Variants in SPAG9 observed in about 807,000 individuals in gnomAD.
SPAG9 encodes C-Jun-amino-terminal kinase-interacting protein 4.
SPAG9 carries 35 observed loss-of-function variants against 166.5 expected under a neutral mutation model. That is an observed-to-expected ratio of 0.21 (90% CI 0.16 to 0.28). SPAG9 has a LOEUF of 0.28. SPAG9 is among the 10% of genes least tolerant of loss of function. The pLI, the probability that SPAG9 is intolerant of heterozygous loss-of-function variation, is 1.00. For missense variants in SPAG9, 1,235 were observed against 1,603.3 expected (o/e 0.77, Z 3.92); for synonymous variants, 534 against 565.5 (o/e 0.94, Z 0.79).
intron 20 of SPAG9, chr17:50,990,154 AG>A (rs771255642): frequency 1.1e-3 from 589 of 519,886 alleles, no homozygotes; most frequent in Non-Finnish European, 1.7e-3. Context: ...CAGCCTCCCG[AG>A]TAGCTGGGAC....
chr17:51,054,442 C>CTT (rs1425151006), intron 3 of SPAG9, among the ~76,000 whole-genome samples: 19 of 132,824 alleles, frequency 1.4e-4, no homozygotes, highest in African/African-American at 5.2e-4. Context: ...GTTTTTTTGG[C>CTT]TTTTTTTTTT....
intron 1 of SPAG9, among the ~76,000 whole-genome samples, chr17:51,087,934 A>G (rs1444560177): frequency 2.0e-5 from 3 of 151,948 alleles, no homozygotes; most frequent in Admixed American, 1.3e-4. Flanking sequence ...TAGTAGAGAC[A>G]AGGTCTCACC....
At chr17:51,031,216 T>C (rs982483030) in intron 6 of SPAG9, 2 of 171,760 alleles carry the variant, frequency 1.2e-5, no homozygotes, top group African/African-American at 4.8e-5. Context: ...ACCTGGCCTG[T>C]AGTAGGCTCT....
chr17:51,022,973 T>TAATAATAATAATAAA (rs972193435), intron 6 of SPAG9, among the ~76,000 whole-genome samples: 4 of 148,436 alleles, frequency 2.7e-5, no homozygotes, highest in African/African-American at 9.8e-5. Flanking sequence ...ATAATAATAA[T>TAATAATAATAATAAA]AAATCAGGGT....
chr17:50,986,566 C>G (rs1046404095), intron 22 of SPAG9, among the ~76,000 whole-genome samples: 1 of 152,214 alleles, frequency 6.6e-6, no homozygotes, highest in Non-Finnish European at 1.5e-5. Context: ...AGATGCTCAA[C>G]AGTAATCTTG....
intron 1 of SPAG9, among the ~76,000 whole-genome samples, chr17:51,089,659 T>TACACAC (rs1225367095): frequency 3.9e-5 from 4 of 103,118 alleles, no homozygotes; most frequent in African/African-American, 1.6e-4. Context: ...TATATATATA[T>TACACAC]ATATACACAT....
At chr17:51,045,912 C>T (rs2047002034) in intron 4 of SPAG9, among the ~76,000 whole-genome samples, 1 of 152,148 alleles carries the variant, frequency 6.6e-6, no homozygotes, top group Non-Finnish European at 1.5e-5. Flanking sequence ...GCTTTCACAA[C>T]TTTGATGTGT....
chr17:51,045,215 C>G (rs1294936497), intron 4 of SPAG9, among the ~76,000 whole-genome samples: 3 of 152,270 alleles, frequency 2.0e-5, no homozygotes, highest in Middle Eastern at 3.4e-3. Context: ...AGGCGCCGCA[C>G]AGCAGCTCAC....
intron 1 of SPAG9, among the ~76,000 whole-genome samples, chr17:51,104,419 C>T (rs1187396210): frequency 6.6e-6 from 1 of 152,172 alleles, no homozygotes; most frequent in South Asian, 2.1e-4. Flanking sequence ...GACGGATCAC[C>T]CAAGGTCGCG....
chr17:51,097,682 G>A (rs2048684384), intron 1 of SPAG9, among the ~76,000 whole-genome samples: 1 of 152,150 alleles, frequency 6.6e-6, no homozygotes, highest in African/African-American at 2.4e-5. Flanking sequence ...ACCTCAAACT[G>A]TGGGATGTGA....
At chr17:51,069,266 TAGA>T in intron 2 of SPAG9, among the ~76,000 whole-genome samples, 1 of 152,016 alleles carries the variant, frequency 6.6e-6, no homozygotes, top group East Asian at 1.9e-4. Context: ...TAAAATTATG[TAGA>T]AGGAATTGCC....
intron 5 of SPAG9, among the ~76,000 whole-genome samples, chr17:51,037,740 A>G (rs999770812): frequency 7.1e-6 from 1 of 140,112 alleles, no homozygotes; most frequent in African/African-American, 2.5e-5. Context: ...TTTTTTAAAA[A>G]AAGGAAAAAG....
At chr17:51,105,601 T>C (rs1412816605) in intron 1 of SPAG9, among the ~76,000 whole-genome samples, 1 of 151,928 alleles carries the variant, frequency 6.6e-6, no homozygotes, top group African/African-American at 2.4e-5. Context: ...CCGGGCGCAG[T>C]GGCTCAAGCC....
At chr17:51,099,212 T>A (rs1025888255) in intron 1 of SPAG9, among the ~76,000 whole-genome samples, 11 of 151,288 alleles carry the variant, frequency 7.3e-5, no homozygotes, top group African/African-American at 2.4e-4. Context: ...GGTGGGCAGA[T>A]CACCTGAGGT....
intron 6 of SPAG9, among the ~76,000 whole-genome samples, chr17:51,026,021 T>C (rs956219559): frequency 4.2e-4 from 64 of 152,344 alleles, no homozygotes; most frequent in African/African-American, 1.5e-3. Flanking sequence ...AGTTCATCTA[T>C]ATGAGAAAGT....
intron 2 of SPAG9, among the ~76,000 whole-genome samples, chr17:51,066,124 G>C (rs1032520005): frequency 2.4e-4 from 36 of 147,500 alleles, no homozygotes; most frequent in African/African-American, 9.0e-4. Flanking sequence ...TTTTTTTCTT[G>C]AGACAGGGTC....
Position 50,964,681 on chromosome 17 carries a change from A to T in SPAG9, c.*1591T>A, listed in dbSNP as rs1973270422. 1.1e-5 allele frequency: 5 copies of T among 444,476 alleles called. No individual in the cohort carries two copies. Among genetic ancestry groups the T allele is most frequent in the Non-Finnish European group, 2.3e-5 (5 of 220,840 alleles). 27.5% of individuals were successfully genotyped at this position (444,476 alleles called of 1,614,324 possible). ...TTTCAAGAAGCTTGAGAGGGAAAAA[A>T]TTGCAGCATCGTGGTTTTAAAAAAC... On this transcript the variant is annotated 3_prime_UTR_variant, in exon 30 of 30. Transcript: ENST00000262013.
intron 28 of SPAG9, among the ~76,000 whole-genome samples, chr17:50,973,181 T>C (rs1490154306): frequency 6.6e-6 from 1 of 152,168 alleles, no homozygotes; most frequent in Non-Finnish European, 1.5e-5. Context: ...ACATTTAACA[T>C]GTAAAGTCCA....
At chr17:51,075,140 G>A (rs1451316026) in intron 2 of SPAG9, among the ~76,000 whole-genome samples, 2 of 118,620 alleles carry the variant, frequency 1.7e-5, no homozygotes, top group Non-Finnish European at 3.2e-5. Context: ...AGGTTGCAGT[G>A]AACCAATATC....
Sources: allele counts gnomAD v4.1 joint callset (sites outside exome capture counted in the v4.1 genomes callset), GRCh38; gene constraint gnomAD v4.1.1; transcripts MANE v1.5; gene names NCBI Gene and HGNC (gene_info 2026-07-23, HGNC 2026-07-21).